SPG11: variants seen among roughly 807,000 people sequenced by gnomAD.
SPG11 encodes the protein spatacsin.
SPG11 carries 222 observed loss-of-function variants against 274.0 expected under a neutral mutation model. That is an observed-to-expected ratio of 0.81 (90% CI 0.73 to 0.91). The LOEUF (loss-of-function observed/expected upper bound fraction) is 0.91, where lower values mean the gene tolerates loss of function less well. SPG11 is among the 40% of genes least tolerant of loss of function. SPG11 has a pLI of 0.00. For missense variants in SPG11, 3,114 were observed against 2,872.7 expected (o/e 1.08, Z -1.92); for synonymous variants, 1,144 against 1,039.7 (o/e 1.10, Z -1.93).
intron 15 of SPG11, among the ~76,000 whole-genome samples, chr15:44,616,632 T>C (rs562811619): frequency 2.2e-4 from 34 of 152,346 alleles, no homozygotes; most frequent in Non-Finnish European, 4.3e-4. Context: ...CTACCCAACA[T>C]TGTGTGATTT....
At chr15:44,612,078 G>T (rs2083474372) in intron 17 of SPG11, among the ~76,000 whole-genome samples, 1 of 152,012 alleles carries the variant, frequency 6.6e-6, no homozygotes, top group Non-Finnish European at 1.5e-5. Flanking sequence ...CAAAGTGCTG[G>T]GATTACAGGC....
rs1194478318 is a variant in SPG11 at position 44,596,823 on chromosome 15, G to A, written c.4122C>T (p.Phe1374=). The A allele has an allele frequency of 8.7e-6, 14 of 1,613,894 alleles. No homozygotes were observed. Among genetic ancestry groups the A allele is most frequent in the Non-Finnish European group, 1.2e-5 (14 of 1,180,016 alleles). ...ECAKANDWLQ[F]IIHSQLHNYH... ...AGTTGTGGAGTTGGCTGTGAATAAT[G>A]AACTGCAGCCAATCATTTGCTTTGG... The change falls in exon 24 of 40, where the codon TTC becomes TTT. Residue 1374 remains phenylalanine (F), a synonymous_variant. Transcript: ENST00000261866.
rs2082710090 is a variant in SPG11 at position 44,584,173 on chromosome 15, C to T, written c.5507G>A (p.Ser1836Asn). 3 of 1,614,114 alleles carry T rather than the reference C, an allele frequency of 1.9e-6. No individual in the cohort carries two copies. The highest frequency in any genetic ancestry group is 1.7e-5 in the Admixed American group (1 of 60,002). Residue 1836 changes from serine (S) to asparagine (N), a missense_variant, in exon 30 of 40, where the codon AGT (serine) becomes AAT (asparagine). Coordinates refer to ENST00000261866, the MANE Select transcript of SPG11 (RefSeq NM_025137.4). Reference protein sequence around the residue: ...ISTSGELSFDSLASEFSFSKL... With the variant: ...ISTSGELSFDNLASEFSFSKL... ...GGAGAAGGAAAACTCACTGGCTAAACTATCAAAGGAAAGTTCACCACTAGT... is the reference window on the plus strand; with the variant it reads ...GGAGAAGGAAAACTCACTGGCTAAATTATCAAAGGAAAGTTCACCACTAGT...
At chr15:44,574,631 C>A (rs999989450) in intron 31 of SPG11, among the ~76,000 whole-genome samples, 3 of 152,170 alleles carry the variant, frequency 2.0e-5, no homozygotes, top group African/African-American at 7.2e-5. Context: ...ATGGTCAAAT[C>A]ATCATTTATA....
At chr15:44,641,704 G>C (rs2084448721) in intron 7 of SPG11, among the ~76,000 whole-genome samples, 1 of 150,106 alleles carries the variant, frequency 6.7e-6, no homozygotes, top group Non-Finnish European at 1.5e-5. Flanking sequence ...TATAAATTAA[G>C]TGCTGGCAAG....
chr15:44,638,394 A>T (rs1342421149), intron 7 of SPG11, among the ~76,000 whole-genome samples: 1 of 151,980 alleles, frequency 6.6e-6, no homozygotes, highest in Admixed American at 6.6e-5. Context: ...CAGGAGGTGG[A>T]GGCTACGGTG....
At chr15:44,579,164 CAA>C (rs1157514180) in intron 30 of SPG11, among the ~76,000 whole-genome samples, 2 of 150,378 alleles carry the variant, frequency 1.3e-5, no homozygotes, top group Non-Finnish European at 3.0e-5. Flanking sequence ...TCTCGAAAAA[CAA>C]AAACAAGAAA....
chr15:44,643,800 T>G (rs1282424198), intron 7 of SPG11, among the ~76,000 whole-genome samples: 1 of 151,998 alleles, frequency 6.6e-6, no homozygotes. Context: ...AGCATCATTC[T>G]GATACCAAAA....
intron 6 of SPG11, among the ~76,000 whole-genome samples, chr15:44,649,286 A>G (rs1001418148): frequency 6.6e-6 from 1 of 151,712 alleles, no homozygotes; most frequent in African/African-American, 2.4e-5. Context: ...GCAGCCTCAG[A>G]CTCCTGGGCT....
intron 30 of SPG11, among the ~76,000 whole-genome samples, chr15:44,577,608 G>C (rs1043614805): frequency 3.3e-5 from 5 of 151,860 alleles, no homozygotes; most frequent in Non-Finnish European, 7.4e-5. Flanking sequence ...CCTTCACTGA[G>C]AGTTCCAATT....
chr15:44,596,922 G>T lies in SPG11; in HGVS notation c.4023C>A (p.Ser1341Arg). ...EIKRLSSESSSQWALVVQFCR... is the reference protein window; with the variant it reads ...EIKRLSSESSRQWALVVQFCR... ...AGAACTGCACCACTAATGCCCATTG[G>T]CTGCTAGATTCACTGGATAACCTAT... Residue 1341 changes from serine to arginine, a missense_variant, in exon 24 of 40, where the codon AGC (serine) becomes AGA (arginine). Transcript: ENST00000261866. 1 of 1,613,938 alleles carries T rather than the reference G, an allele frequency of 6.2e-7. No homozygotes were observed. Among genetic ancestry groups the T allele is most frequent in the Non-Finnish European group, 8.5e-7 (1 of 1,179,984 alleles).
chr15:44,638,500 AC>A (rs11479753), intron 7 of SPG11, among the ~76,000 whole-genome samples: 46,694 of 128,938 alleles, frequency 0.36, 8,597 homozygotes, highest in East Asian at 0.53. Context: ...AAACCACAAA[AC>A]CCCCCCCCCC....
At chr15:44,626,206 C>T in intron 11 of SPG11, 125 bp downstream of exon 11, 2 of 806,918 alleles carry the variant, frequency 2.5e-6, no homozygotes, top group Non-Finnish European at 3.8e-6. Context: ...GTCATTATTT[C>T]TTAGTGTCAT....
Position 44,663,524 on chromosome 15 carries a change from C to G in SPG11, c.124G>C (p.Gly42Arg). The G allele has an allele frequency of 6.3e-7, 1 of 1,597,514 alleles. No individual in the cohort carries two copies. The highest frequency in any genetic ancestry group is 2.3e-5 in the East Asian group (1 of 44,104). ...TGTGTGCGCAGCTGCGCCCGGGAGCCGAGCTGCCCCATCGCCTCGGCGGGG... is the reference window on the plus strand; with the variant it reads ...TGTGTGCGCAGCTGCGCCCGGGAGCGGAGCTGCCCCATCGCCTCGGCGGGG... Reference protein sequence around the residue: ...PVPAEAMGQLGSRAQLRTQPE... With the variant: ...PVPAEAMGQLRSRAQLRTQPE... Residue 42 changes from glycine to arginine, a missense_variant, in exon 1 of 40, where the codon GGC becomes CGC. Coordinates refer to ENST00000261866, the MANE Select transcript of SPG11 (RefSeq NM_025137.4).
At chr15:44,600,248 A>G (rs1321708596) in intron 21 of SPG11, 1 of 513,130 alleles carries the variant, frequency 1.9e-6, no homozygotes, top group African/African-American at 1.9e-5. Flanking sequence ...AAAACATTAT[A>G]CAGATATGCC....
At chr15:44,597,242 A>ACATTACAG in intron 23 of SPG11, 1 of 313,096 alleles carries the variant, frequency 3.2e-6, no homozygotes, top group Non-Finnish European at 6.2e-6. Context: ...GCCTCCGAGT[A>ACATTACAG]GCTGGGATTA....
chr15:44,656,014 A>C (rs1033287015), intron 4 of SPG11, among the ~76,000 whole-genome samples: 1 of 152,212 alleles, frequency 6.6e-6, no homozygotes, highest in Non-Finnish European at 1.5e-5. Context: ...ACTATATAAA[A>C]AAGAGAGGAA....
intron 8 of SPG11, among the ~76,000 whole-genome samples, chr15:44,629,722 A>AT (rs1376715342): frequency 6.6e-6 from 1 of 152,212 alleles, no homozygotes; most frequent in Non-Finnish European, 1.5e-5. Flanking sequence ...CTTTCCATAG[A>AT]TTAAAAAAAC....
At chr15:44,566,415 G>T (rs2082310473) in intron 36 of SPG11, 110 bp from the exon 37 acceptor site, 2 of 1,089,136 alleles carry the variant, frequency 1.8e-6, no homozygotes, top group Admixed American at 2.0e-5. Context: ...CATGTTCACA[G>T]GCAGGCAGGA....
Sources: allele counts gnomAD v4.1 joint callset (sites outside exome capture counted in the v4.1 genomes callset), GRCh38; gene constraint gnomAD v4.1.1; transcripts MANE v1.5; gene names NCBI Gene and HGNC (gene_info 2026-07-23, HGNC 2026-07-21).